Variants in CCDC192 observed in about 807,000 individuals in gnomAD.
CCDC192 encodes the protein coiled-coil domain containing 192.
intron 2 of CCDC192, among the ~76,000 whole-genome samples, chr5:127,717,162 A>G (rs144490985): frequency 6.6e-6 from 1 of 152,344 alleles, no homozygotes; most frequent in East Asian, 1.9e-4. Flanking sequence ...ATCTGCTTGC[A>G]AACTTCAGGG....
intron 2 of CCDC192, among the ~76,000 whole-genome samples, chr5:127,712,636 A>G (rs1277992792): frequency 6.6e-6 from 1 of 152,216 alleles, no homozygotes; most frequent in African/African-American, 2.4e-5. Flanking sequence ...AACACACAAC[A>G]GACTAAGACA....
chr5:127,849,951 A>G (rs1018145712), intron 5 of CCDC192, among the ~76,000 whole-genome samples: 5 of 152,222 alleles, frequency 3.3e-5, no homozygotes, highest in Admixed American at 1.3e-4. Flanking sequence ...ACTCAGATCC[A>G]CACTTGGAGA....
intron 6 of CCDC192, among the ~76,000 whole-genome samples, chr5:127,939,085 T>A (rs1034529789): frequency 6.6e-6 from 1 of 151,904 alleles, no homozygotes. Flanking sequence ...GCTTGTTAAC[T>A]TATGAAAGGC....
intron 5 of CCDC192, among the ~76,000 whole-genome samples, chr5:127,856,413 A>C (rs999349558): frequency 1.3e-5 from 2 of 152,194 alleles, no homozygotes; most frequent in Non-Finnish European, 2.9e-5. Context: ...TTGGTCTTCT[A>C]TCTAGACTAC....
Position 127,889,168 on chromosome 5 carries a change from C to T in CCDC192, c.535+13507C>T, listed in dbSNP as rs565148961. Among the ~76,000 whole-genome samples the T allele has an allele frequency of 2.9e-4, 44 of 152,234 alleles. 1 individual carries two copies. The highest frequency in any genetic ancestry group is 1.0e-3 in the African/African-American group (43 of 41,560). On this transcript the variant is annotated intron_variant, in intron 6 of 6. Transcript: ENST00000514853. ...TTTGAGGTTTTCTTTTTTCCTTTTT[C>T]ATGAGCACATGCTGCTGAACGCTTT...
In CCDC192 at chr5:127,703,396, C is replaced by A. The variant is rs1028607127; in HGVS notation, c.-50C>A. The A allele has an allele frequency of 2.5e-6, 1 of 398,916 alleles. No individual in the cohort carries two copies. The highest frequency in any genetic ancestry group is 4.4e-6 in the Non-Finnish European group (1 of 226,030). The allele number at this position is 398,916 out of a possible 1,614,324, so 24.7% of individuals were successfully genotyped here. On this transcript the variant is annotated 5_prime_UTR_variant, in exon 1 of 7. The change creates a new upstream start codon in the 5' untranslated region. Coordinates refer to ENST00000514853, the MANE Select transcript of CCDC192 (RefSeq NM_001317938.2). The stretch of plus-strand genomic sequence containing the variant: ...ATTCTAAAACTCTAAAGAATGATGC[C>A]TGTTGACGTCTGTCCCAGGGACAGG...
At chr5:127,889,713 C>A (rs542689347) in intron 6 of CCDC192, among the ~76,000 whole-genome samples, 1 of 152,274 alleles carries the variant, frequency 6.6e-6, no homozygotes, top group South Asian at 2.1e-4. Context: ...CTATTCTACT[C>A]TTTAAATTGA....
chr5:127,728,552 A>T (rs889700482), intron 2 of CCDC192, among the ~76,000 whole-genome samples: 1 of 152,252 alleles, frequency 6.6e-6, no homozygotes, highest in Non-Finnish European at 1.5e-5. Flanking sequence ...GGAAGCACTA[A>T]ATATGGAAAG....
chr5:127,858,174 G>T (rs944431562), intron 5 of CCDC192, among the ~76,000 whole-genome samples: 2 of 152,096 alleles, frequency 1.3e-5, no homozygotes, highest in Non-Finnish European at 2.9e-5. Context: ...TTATAAATCC[G>T]ATCCTATTGA....
chr5:127,719,530 C>CAA, intron 2 of CCDC192, among the ~76,000 whole-genome samples: 1 of 75,534 alleles, frequency 1.3e-5, no homozygotes, highest in Non-Finnish European at 2.2e-5. Context: ...TATATACACA[C>CAA]ATACATATAT....
At chr5:127,885,608 C>T (rs568135178) in intron 6 of CCDC192, among the ~76,000 whole-genome samples, 1 of 152,254 alleles carries the variant, frequency 6.6e-6, no homozygotes, top group East Asian at 1.9e-4. Context: ...TAGAGATTAG[C>T]TACATTGGTC....
In CCDC192 at chr5:127,786,886, A is replaced by G. The variant is rs928778230; in HGVS notation, c.223-10217A>G. The G allele has an allele frequency of 2.0e-5, 9 of 448,226 alleles. No individual in the cohort carries two copies. The Admixed American group carries it at 2.8e-4, about 14-fold the overall frequency. 27.8% of individuals were successfully genotyped at this position (448,226 alleles called of 1,614,324 possible). ...TGGTTTGACTGGTGTACACTAGCAC[A>G]CTAGTTATGAACATGAGTGTGGAGC... is the stretch of plus-strand genomic sequence containing the variant. On this transcript the variant is annotated intron_variant, in intron 3 of 6. Transcript: ENST00000514853.
intron 2 of CCDC192, among the ~76,000 whole-genome samples, chr5:127,716,959 T>C (rs1461289182): frequency 1.3e-5 from 2 of 152,150 alleles, no homozygotes; most frequent in Non-Finnish European, 2.9e-5. Context: ...AACCCTAACC[T>C]CATACAATCA....
intron 3 of CCDC192, among the ~76,000 whole-genome samples, chr5:127,757,782 A>ACACACACG (rs1554072441): frequency 3.7e-4 from 35 of 93,952 alleles, no homozygotes; most frequent in African/African-American, 1.3e-3. Flanking sequence ...ACACACACAC[A>ACACACACG]CACACACACA....
At chr5:127,709,064 C>T (rs777192762) in intron 2 of CCDC192, among the ~76,000 whole-genome samples, 30 of 144,698 alleles carry the variant, frequency 2.1e-4, no homozygotes, top group Non-Finnish European at 3.4e-4. Flanking sequence ...ATTAGGCTTT[C>T]GGAAAGGGGT....
intron 5 of CCDC192, among the ~76,000 whole-genome samples, chr5:127,837,756 G>A (rs565497368): frequency 3.3e-4 from 51 of 152,284 alleles, no homozygotes; most frequent in African/African-American, 1.1e-3. Flanking sequence ...TTGGGAGGTC[G>A]AAGTGGGCAG....
chr5:127,850,020 AACTG>A (rs1202651149), intron 5 of CCDC192, among the ~76,000 whole-genome samples: 1 of 152,272 alleles, frequency 6.6e-6, no homozygotes, highest in Non-Finnish European at 1.5e-5. Flanking sequence ...AACATCTGCT[AACTG>A]ACTGTAAAGC....
At chr5:127,728,992 T>C (rs1386882505) in intron 2 of CCDC192, among the ~76,000 whole-genome samples, 1 of 152,144 alleles carries the variant, frequency 6.6e-6, no homozygotes, top group Non-Finnish European at 1.5e-5. Flanking sequence ...CTGCAGTCTC[T>C]GCCTTCTGAG....
intron 5 of CCDC192, among the ~76,000 whole-genome samples, chr5:127,852,008 C>A (rs910332298): frequency 1.6e-4 from 25 of 152,138 alleles, no homozygotes; most frequent in Admixed American, 1.3e-4. Flanking sequence ...AGTTTTATAA[C>A]CATTCAAAAT....
Sources: gnomAD v4.1 joint callset for allele counts (sites outside exome capture counted in the v4.1 genomes callset) on GRCh38, gnomAD v4.1.1 for gene constraint, MANE v1.5 for transcripts, NCBI Gene and HGNC (gene_info 2026-07-23, HGNC 2026-07-21) for gene names.